The following SYN3 variants were observed in gnomAD, a reference collection of about 807,000 sequenced individuals.
SYN3 encodes the protein synapsin-3.
In SYN3, 35 loss-of-function variants were observed where a neutral mutation model predicts 65.8. The ratio of observed to expected loss-of-function variants is 0.53; its 90% CI spans 0.41 to 0.70. The LOEUF (loss-of-function observed/expected upper bound fraction) is 0.70, where lower values mean the gene tolerates loss of function less well. Among genes scored for constraint, SYN3 ranks in the 30% least tolerant of loss-of-function variants. The probability of loss-of-function intolerance (pLI) is 0.00; values close to 1 mark genes in which losing one functional copy is unlikely to be tolerated. For missense variants in SYN3, 680 were observed against 749.0 expected, an observed-to-expected ratio of 0.91 and a Z score of 1.08; for synonymous variants, 270 against 292.9, an observed-to-expected ratio of 0.92 and a Z score of 0.80.
At chr22:32,519,887 T>C (rs2057848131) in intron 12 of SYN3, among the ~76,000 whole-genome samples, 1 of 152,092 alleles carries the variant, frequency 6.6e-6, no homozygotes, top group African/African-American at 2.4e-5. Context: ...CTGGAACCCA[T>C]CTCTGTGACT....
rs548327648 is a variant in SYN3, at chr22:32,507,947, A to G, written c.*5745T>C. On this transcript the variant is annotated 3_prime_UTR_variant, in exon 14 of 14. Coordinates refer to ENST00000358763, the MANE Select transcript of SYN3 (RefSeq NM_003490.4). ...AGGTTCCCACGCCGCCCCTAATCCC[A>G]CTCGAAGCAGCCCTGAGAAACATCG... Among the ~76,000 whole-genome samples, 8,842 of 151,144 alleles carry G rather than the reference A, an allele frequency of 0.059. 824 individuals carry two copies. The highest frequency in any genetic ancestry group is 0.2 in the African/African-American group (8,286 of 40,914).
intron 7 of SYN3, among the ~76,000 whole-genome samples, chr22:32,544,889 C>G (rs191592314): frequency 6.6e-6 from 1 of 152,188 alleles, no homozygotes; most frequent in Non-Finnish European, 1.5e-5. Flanking sequence ...TGGGCTACCT[C>G]GGAAGTGTCT....
intron 1 of SYN3, among the ~76,000 whole-genome samples, chr22:33,019,996 A>C (rs1008393315): frequency 2.0e-5 from 3 of 152,252 alleles, no homozygotes; most frequent in Non-Finnish European, 4.4e-5. Context: ...AAATAATAGT[A>C]ATGAAACATC....
At chr22:32,587,728 G>A (rs1284069396) in intron 7 of SYN3, among the ~76,000 whole-genome samples, 4 of 152,212 alleles carry the variant, frequency 2.6e-5, no homozygotes, top group Non-Finnish European at 4.4e-5. Context: ...GGCTAAGCCA[G>A]CGTGTGCAAG....
At chr22:32,717,041 C>G (rs997212722) in intron 6 of SYN3, among the ~76,000 whole-genome samples, 1 of 152,182 alleles carries the variant, frequency 6.6e-6, no homozygotes, top group Non-Finnish European at 1.5e-5. Context: ...CTTTTGACCA[C>G]TCCTTGGGTC....
At chr22:32,704,142 T>C (rs960277378) in intron 6 of SYN3, among the ~76,000 whole-genome samples, 1 of 152,168 alleles carries the variant, frequency 6.6e-6, no homozygotes, top group South Asian at 2.1e-4. Flanking sequence ...CAGGGGTTTA[T>C]GTACAGATTA....
At chr22:32,716,249 A>T (rs773762014) in intron 6 of SYN3, among the ~76,000 whole-genome samples, 1 of 152,012 alleles carries the variant, frequency 6.6e-6, no homozygotes, top group African/African-American at 2.4e-5. Flanking sequence ...CTACTTGGAC[A>T]TGTGTCTGTG....
At chr22:32,757,593 G>A (rs1024448319) in intron 6 of SYN3, among the ~76,000 whole-genome samples, 5 of 151,702 alleles carry the variant, frequency 3.3e-5, no homozygotes, top group South Asian at 2.1e-4. Context: ...CACCGTGCCC[G>A]GCCTGGGCTC....
At chr22:32,660,121 C>T (rs924577573) in intron 6 of SYN3, among the ~76,000 whole-genome samples, 2 of 152,262 alleles carry the variant, frequency 1.3e-5, no homozygotes, top group Admixed American at 1.3e-4. Flanking sequence ...ATTGAGCACC[C>T]ATTACCTCCT....
chr22:33,034,735 C>T (rs964262464), intron 1 of SYN3, among the ~76,000 whole-genome samples: 7 of 152,160 alleles, frequency 4.6e-5, no homozygotes, highest in South Asian at 2.1e-4. Flanking sequence ...CCCCATTTTA[C>T]GCATGAGGAA....
intron 6 of SYN3, among the ~76,000 whole-genome samples, chr22:32,724,405 G>A (rs935571414): frequency 6.6e-6 from 1 of 152,112 alleles, no homozygotes; most frequent in African/African-American, 2.4e-5. Context: ...TTCCAGGTCA[G>A]AAGACCAGAG....
chr22:32,920,470 T>A (rs1055448170), intron 4 of SYN3, among the ~76,000 whole-genome samples: 5 of 152,142 alleles, frequency 3.3e-5, no homozygotes. Flanking sequence ...GGGTTGCGCT[T>A]AAGCACCTCG....
intron 6 of SYN3, among the ~76,000 whole-genome samples, chr22:32,787,489 C>A (rs1215583712): frequency 6.6e-6 from 1 of 152,156 alleles, no homozygotes; most frequent in Admixed American, 6.5e-5. Context: ...CCTCCCTGAG[C>A]TTAAGTCTTC....
chr22:33,008,527 A>G (rs2053255994), intron 1 of SYN3, among the ~76,000 whole-genome samples: 1 of 152,142 alleles, frequency 6.6e-6, no homozygotes, highest in African/African-American at 2.4e-5. Context: ...CTGAGATGCA[A>G]TATGTTGTAT....
intron 6 of SYN3, among the ~76,000 whole-genome samples, chr22:32,757,982 C>G (rs748951937): frequency 6.6e-6 from 1 of 152,194 alleles, no homozygotes; most frequent in Non-Finnish European, 1.5e-5. Flanking sequence ...GCTGCAGAAA[C>G]GAGGACTGTA....
chr22:32,629,227 C>G (rs1203206752), intron 6 of SYN3, among the ~76,000 whole-genome samples: 2 of 152,086 alleles, frequency 1.3e-5, no homozygotes, highest in Admixed American at 6.5e-5. Context: ...CAGAGGCTTC[C>G]CCATCCTCTA....
chr22:32,567,872 G>A (rs1034256011), intron 7 of SYN3, among the ~76,000 whole-genome samples: 2 of 152,138 alleles, frequency 1.3e-5, no homozygotes, highest in African/African-American at 2.4e-5. Flanking sequence ...AACTCCTTGC[G>A]GGTATAGGTT....
In SYN3 at chr22:32,513,690, C is replaced by T. The variant is rs149665509; in HGVS notation, c.*2G>A. The T allele has an allele frequency of 4.9e-5, 79 of 1,613,944 alleles. No homozygotes were observed. The East Asian group carries it at 6.9e-4, about 14-fold the overall frequency. On this transcript the variant is annotated 3_prime_UTR_variant, in exon 14 of 14. Coordinates refer to ENST00000358763, the MANE Select transcript of SYN3 (RefSeq NM_003490.4). ...ACTCTTCCCCTCCCAGCCTGGATGGCGTTAGTCAGAGAACAGGCTGGCAAA... is the reference window on the plus strand; with the variant it reads ...ACTCTTCCCCTCCCAGCCTGGATGGTGTTAGTCAGAGAACAGGCTGGCAAA...
chr22:32,792,968 T>C (rs1251156621), intron 6 of SYN3, among the ~76,000 whole-genome samples: 2 of 152,168 alleles, frequency 1.3e-5, no homozygotes, highest in African/African-American at 4.8e-5. Flanking sequence ...CAATTTAACT[T>C]CTTTGAGCCT....
Sources: allele counts gnomAD v4.1 joint callset (sites outside exome capture counted in the v4.1 genomes callset), GRCh38; gene constraint gnomAD v4.1.1; transcripts MANE v1.5; gene names NCBI Gene and HGNC (gene_info 2026-07-23, HGNC 2026-07-21).